The following CYB5R2 variants were observed in gnomAD, a reference collection of about 807,000 sequenced individuals.
CYB5R2 encodes NADH-cytochrome b5 reductase 2.
CYB5R2 carries 35 observed loss-of-function variants against 29.8 expected under a neutral mutation model. The ratio of observed to expected loss-of-function variants is 1.17; its 90% CI spans 0.90 to 1.56. The LOEUF (loss-of-function observed/expected upper bound fraction) is 1.56. Among genes scored for constraint, CYB5R2 ranks in the 40% most tolerant of loss-of-function variants. The pLI is 0.00. For missense variants in CYB5R2, 419 were observed against 346.7 expected (o/e 1.21, Z -1.66); for synonymous variants, 169 against 130.6 (o/e 1.29, Z -2.01).
chr11:7,670,827 G>C (rs954772573), intron 3 of CYB5R2: 2 of 152,238 alleles, frequency 1.3e-5, no homozygotes, highest in African/African-American at 4.8e-5. Flanking sequence ...AGAGGCAAGA[G>C]AAAGTTTTGT....
Position 7,665,365 on chromosome 11 carries a change from G to T in CYB5R2, c.*9C>A, listed in dbSNP as rs13172. On this transcript the variant is annotated 3_prime_UTR_variant, in exon 9 of 9. Coordinates refer to ENST00000299498, the MANE Select transcript of CYB5R2 (RefSeq NM_016229.5). ...AGGGACATGCAAAATTGCTGAGCACGTGGAGGTGTTAGTAGGTGAAAATCA... is the reference window on the plus strand; with the variant it reads ...AGGGACATGCAAAATTGCTGAGCACTTGGAGGTGTTAGTAGGTGAAAATCA... The T allele has an allele frequency of 1.3e-6, 2 of 1,539,990 alleles. No homozygotes were observed. Among genetic ancestry groups the T allele is most frequent in the Non-Finnish European group, 1.8e-6 (2 of 1,142,096 alleles).
chr11:7,670,138 C>A, intron 3 of CYB5R2: 1 of 187,830 alleles, frequency 5.3e-6, no homozygotes, highest in East Asian at 1.8e-4. Context: ...ATTGCTTGAG[C>A]TCAGGAGTTC....
At chr11:7,669,068 A>G in intron 5 of CYB5R2, 137 bp downstream of exon 5, 1 of 1,062,784 alleles carries the variant, frequency 9.4e-7, no homozygotes, top group Middle Eastern at 2.0e-4. Context: ...AAGTGTGATC[A>G]TTATGCATTG....
Position 7,665,266 on chromosome 11 carries a change from G to T in CYB5R2, c.*108C>A. The stretch of plus-strand genomic sequence containing the variant: ...GAGGAGAACCAGTGTGTGCGCGAAG[G>T]TACATGGCAAGGCACTTTTGAAAAC... On this transcript the variant is annotated 3_prime_UTR_variant, in exon 9 of 9. Transcript: ENST00000299498. The T allele has an allele frequency of 2.0e-6, 2 of 986,240 alleles. No individual in the cohort carries two copies. The highest frequency in any genetic ancestry group is 2.9e-6 in the Non-Finnish European group (2 of 678,114). 61.1% of individuals were successfully genotyped at this position (986,240 alleles called of 1,614,324 possible).
rs10839839 is a variant in CYB5R2, at chr11:7,673,061, C to G, written c.-66-170G>C. On this transcript the variant is annotated intron_variant, in intron 1 of 8. Coordinates refer to ENST00000299498, the MANE Select transcript of CYB5R2 (RefSeq NM_016229.5). ...ACAGAAGGCGGCTGGGAGAGCCTGT[C>G]GTGGACCAGAGGGTAGGGAGGGGTC... The G allele has an allele frequency of 0.61, 380,668 of 622,710 alleles. 118,441 individuals carry two copies. The highest frequency in any genetic ancestry group is 0.71 in the African/African-American group (38,718 of 54,348). The allele number at this position is 622,710 out of a possible 1,614,324, so 38.6% of individuals were successfully genotyped here. A position where few individuals can be genotyped will look rare whatever the true frequency, so the allele number is the denominator to read the frequency against.
At chr11:7,674,223 T>C (rs1336204643), upstream of CYB5R2, 2 of 1,284,716 alleles carry the variant, frequency 1.6e-6, no homozygotes, top group Non-Finnish European at 2.0e-6. Context: ...TCATTCGACA[T>C]ACCTCATGGG....
chr11:7,673,219 T>G, intron 1 of CYB5R2, 200 bp downstream of exon 1: 1 of 435,852 alleles, frequency 2.3e-6, no homozygotes, highest in Non-Finnish European at 3.6e-6. Flanking sequence ...TTCCTTGAGG[T>G]GAAGGGGGAG....
At chr11:7,665,581 A>G in intron 8 of CYB5R2, 35 bp from the exon 9 acceptor site, 1 of 1,560,288 alleles carries the variant, frequency 6.4e-7, no homozygotes, top group Non-Finnish European at 8.7e-7. Context: ...AAGCTGAGCG[A>G]TGCCAGGTGG....
Position 7,665,407 on chromosome 11 carries a change from CA to C in CYB5R2, c.797del (p.Leu266ArgfsTer7). ...TGAAAATCATGTCCTGGGTATAACCCAGCTTCTCCAGGTTAGGGTGAGCCGC... is the reference window on the plus strand; with the variant it reads ...TGAAAATCATGTCCTGGGTATAACCCGCTTCTCCAGGTTAGGGTGAGCCGC... Reference protein sequence around the residue: ...QTAAHPNLEKLGYTQDMIFTY With the variant: ...QTAAHPNLEKXGYTQDMIFTY On this transcript the variant is annotated frameshift_variant, in exon 9 of 9. Coordinates refer to ENST00000299498, the MANE Select transcript of CYB5R2 (RefSeq NM_016229.5). LOFTEE classifies it high-confidence loss of function. 1 of 1,603,328 alleles carries C rather than the reference CA, an allele frequency of 6.2e-7. No individual in the cohort carries two copies. The highest frequency in any genetic ancestry group is 8.5e-7 in the Non-Finnish European group (1 of 1,175,740).
At chr11:7,674,156 G>C (rs998309884), upstream of CYB5R2, 5 of 1,232,766 alleles carry the variant, frequency 4.1e-6, no homozygotes, top group Middle Eastern at 3.1e-4. Flanking sequence ...TGACCGGGCG[G>C]AGGGGGATGC....
At chr11:7,666,851 T>TTTTAATGATA in intron 7 of CYB5R2, 1 of 270,558 alleles carries the variant, frequency 3.7e-6, no homozygotes, top group South Asian at 4.7e-5. Flanking sequence ...ATGGCTTCAC[T>TTTTAATGATA]CGGAGCTCCA....
At chr11:7,674,098 G>T, upstream of CYB5R2, 1 of 1,197,218 alleles carries the variant, frequency 8.4e-7, no homozygotes, top group South Asian at 1.5e-5. Context: ...CACACTGAGC[G>T]CCCCTCAGCT....
intron 8 of CYB5R2, 131 bp downstream of exon 8, chr11:7,666,320 C>T: frequency 1.6e-6 from 1 of 642,360 alleles, no homozygotes; most frequent in Non-Finnish European, 2.8e-6. Context: ...CCATCTGGAG[C>T]CAGAGCCCCA....
chr11:7,666,258 C>T (rs552115004), intron 8 of CYB5R2, 193 bp downstream of exon 8: 14 of 596,850 alleles, frequency 2.3e-5, no homozygotes, highest in African/African-American at 1.7e-4. Context: ...CTCTCGATTG[C>T]CCTTAAAAGC....
chr11:7,674,000 T>A, upstream of CYB5R2: 2 of 1,148,494 alleles, frequency 1.7e-6, no homozygotes, highest in Non-Finnish European at 2.2e-6. Flanking sequence ...CGCTCCATCA[T>A]GAGGCTGGCG....
rs756239047 is a variant in CYB5R2 at position 7,672,816 on chromosome 11, T to C, written c.10A>G (p.Arg4Gly). 5 of 1,614,020 alleles carry C rather than the reference T, an allele frequency of 3.1e-6. No individual in the cohort carries two copies. Among genetic ancestry groups the C allele is most frequent in the African/African-American group, 1.3e-5 (1 of 74,926 alleles). Residue 4 changes from arginine (R) to glycine (G), a missense_variant, in exon 2 of 9, where the codon AGG becomes GGG. Arg to Gly is a moderately radical substitution (Grantham distance 125). Transcript: ENST00000299498. MNS[R>G]RREPITLQDP... Reference sequence around the variant, plus strand: ...TGTAAGGTGATTGGCTCTCTCCTCCTGGAGTTCATGCTCTTCAGGACCAAC... The same window carrying C: ...TGTAAGGTGATTGGCTCTCTCCTCCCGGAGTTCATGCTCTTCAGGACCAAC...
At chr11:7,673,803 C>T (rs1325924446), upstream of CYB5R2, 2 of 987,900 alleles carry the variant, frequency 2.0e-6, no homozygotes, top group East Asian at 2.3e-4. Context: ...GTGGCGTCGC[C>T]CCGCAGCTCC....
intron 3 of CYB5R2, chr11:7,671,221 C>T (rs970945138): frequency 2.0e-5 from 3 of 152,356 alleles, no homozygotes; most frequent in East Asian, 1.9e-4. Context: ...CCTGGAAAGG[C>T]TCTTTCATAT....
At chr11:7,667,531 A>T (rs1283835226) in intron 7 of CYB5R2, 197 bp downstream of exon 7, 1 of 562,578 alleles carries the variant, frequency 1.8e-6, no homozygotes, top group Non-Finnish European at 3.2e-6. Flanking sequence ...GAGGAGACAC[A>T]AAAGAGTTAA....
Sources: gnomAD v4.1 joint callset for allele counts on GRCh38, gnomAD v4.1.1 for gene constraint, MANE v1.5 for transcripts, NCBI Gene and HGNC (gene_info 2026-07-23, HGNC 2026-07-21) for gene names.